KLHL32: variants seen among roughly 807,000 people sequenced by gnomAD.
KLHL32 encodes the protein kelch-like protein 32.
In KLHL32, 35 loss-of-function variants were observed where a neutral mutation model predicts 64.8. The ratio of observed to expected loss-of-function variants is 0.54; its 90% confidence interval spans 0.41 to 0.72. The LOEUF is 0.72. Ranked by LOEUF, KLHL32 falls within the 30% of genes least tolerant of loss-of-function variation. The pLI, the probability that KLHL32 is intolerant of heterozygous loss-of-function variation, is 0.00. For synonymous variants in KLHL32, 259 were observed against 281.0 expected, an observed-to-expected ratio of 0.92 and a Z score of 0.78; for missense variants, 589 against 768.5, an observed-to-expected ratio of 0.77 and a Z score of 2.76.
chr6:96,985,305 T>A (rs112698391), intron 3 of KLHL32, among the ~76,000 whole-genome samples: 1 of 152,200 alleles, frequency 6.6e-6, no homozygotes, highest in East Asian at 1.9e-4. Context: ...GCCCTTATCA[T>A]TTTTTCCTTC....
intron 3 of KLHL32, among the ~76,000 whole-genome samples, chr6:97,035,101 C>G (rs1165497445): frequency 6.6e-6 from 1 of 151,832 alleles, no homozygotes; most frequent in Non-Finnish European, 1.5e-5. Context: ...GTAGTATTTG[C>G]CTTGATTCTT....
chr6:96,979,478 T>G (rs576337620), intron 3 of KLHL32, among the ~76,000 whole-genome samples: 2 of 152,350 alleles, frequency 1.3e-5, no homozygotes, highest in African/African-American at 4.8e-5. Flanking sequence ...GGGCTCTCTA[T>G]TCTGTTCCAT....
the KLHL32 span, among the ~76,000 whole-genome samples, chr6:96,898,981 A>G: frequency 6.6e-6 from 1 of 152,204 alleles, no homozygotes; most frequent in Admixed American, 6.5e-5. Context: ...TGATGTAAAG[A>G]TAATCGAATA....
intron 7 of KLHL32, among the ~76,000 whole-genome samples, chr6:97,118,685 G>A (rs1356963998): frequency 6.6e-6 from 1 of 151,294 alleles, no homozygotes; most frequent in Non-Finnish European, 1.5e-5. Context: ...CAGAGGCTGA[G>A]TTGTGGTGCA....
intron 6 of KLHL32, among the ~76,000 whole-genome samples, chr6:97,087,915 T>C (rs1002193379): frequency 6.6e-6 from 1 of 152,206 alleles, no homozygotes. Flanking sequence ...CAAAATGTGT[T>C]GTATGCAGGC....
At chr6:97,113,676 G>C (rs1170409074) in intron 6 of KLHL32, 107 bp from the exon 7 acceptor site, 10 of 1,369,912 alleles carry the variant, frequency 7.3e-6, no homozygotes, top group Non-Finnish European at 8.9e-6. Flanking sequence ...AAGAAAGTTT[G>C]TATTATTACC....
At chr6:97,107,270 G>T (rs979144573) in intron 6 of KLHL32, among the ~76,000 whole-genome samples, 12 of 149,250 alleles carry the variant, frequency 8.0e-5, no homozygotes, top group African/African-American at 2.8e-4. Flanking sequence ...TCCGGCCTGG[G>T]CGAAAGGCAA....
At chr6:97,058,754 T>C (rs114932252) in intron 4 of KLHL32, among the ~76,000 whole-genome samples, 4,451 of 152,280 alleles carry the variant, frequency 0.029, 232 homozygotes, top group African/African-American at 0.1. Context: ...TAATGCCTGG[T>C]GGTATGGCAG....
rs143481473 is a variant in KLHL32 at position 97,005,703 on chromosome 6, T to G, written c.204+29526T>G. ...TGAATTGATTCTCATTAGTTTCAAATAATTTCTTGATTTATGCCTTAATTT... is the reference window on the plus strand; with the variant it reads ...TGAATTGATTCTCATTAGTTTCAAAGAATTTCTTGATTTATGCCTTAATTT... On this transcript the variant is annotated intron_variant, in intron 3 of 10. Transcript: ENST00000369261. Among the ~76,000 whole-genome samples the G allele has an allele frequency of 1.6e-3, 240 of 152,308 alleles. 1 individual carries two copies. Among genetic ancestry groups the G allele is most frequent in the Non-Finnish European group, 2.2e-3 (151 of 67,998 alleles).
intron 1 of KLHL32, among the ~76,000 whole-genome samples, chr6:96,958,242 C>A (rs778256553): frequency 6.6e-6 from 1 of 152,158 alleles, no homozygotes; most frequent in Non-Finnish European, 1.5e-5. Flanking sequence ...GGGCAGTAGA[C>A]CCCCCACCCC....
upstream of KLHL32, among the ~76,000 whole-genome samples, chr6:96,921,528 C>A (rs753941181): frequency 8.5e-5 from 13 of 152,130 alleles, no homozygotes; most frequent in African/African-American, 4.8e-5. Context: ...TTGGTTTTGG[C>A]ATAATTAATG....
chr6:97,057,149 A>T (rs2128143193), intron 4 of KLHL32, among the ~76,000 whole-genome samples: 1 of 149,262 alleles, frequency 6.7e-6, no homozygotes, highest in South Asian at 2.2e-4. Context: ...TGTACAAAAA[A>T]TGCAGTTTTC....
intron 3 of KLHL32, among the ~76,000 whole-genome samples, chr6:97,018,600 CAAA>C (rs11319122): frequency 4.1e-5 from 5 of 122,334 alleles, no homozygotes; most frequent in East Asian, 2.3e-4. Context: ...GACTCAGTCT[CAAA>C]AAAAAAAAAA....
chr6:97,029,930 G>A (rs1441743623), intron 3 of KLHL32, among the ~76,000 whole-genome samples: 2 of 152,204 alleles, frequency 1.3e-5, no homozygotes, highest in Non-Finnish European at 2.9e-5. Flanking sequence ...TGGGCATATA[G>A]AAGATGTAAG....
At chr6:96,915,141 A>T in the KLHL32 span, 3 of 152,292 alleles carry the variant, frequency 2.0e-5, no homozygotes, top group East Asian at 5.8e-4. Flanking sequence ...ATTTTGCCTC[A>T]ACTTTTTCTG....
chr6:96,975,120 T>G (rs559295071), intron 2 of KLHL32, among the ~76,000 whole-genome samples: 1 of 152,344 alleles, frequency 6.6e-6, no homozygotes, highest in East Asian at 1.9e-4. Flanking sequence ...ATGGCATTAC[T>G]TCTGTATTAT....
At chr6:97,059,833 G>A (rs1236012075) in intron 4 of KLHL32, among the ~76,000 whole-genome samples, 2 of 151,930 alleles carry the variant, frequency 1.3e-5, no homozygotes, top group Non-Finnish European at 2.9e-5. Context: ...TTATGCTGTT[G>A]TATCCAGTTC....
chr6:96,990,442 G>A (rs2128063209), intron 3 of KLHL32, among the ~76,000 whole-genome samples: 1 of 152,260 alleles, frequency 6.6e-6, no homozygotes, highest in South Asian at 2.1e-4. Flanking sequence ...CAACCACGTG[G>A]CTCCTCTGTA....
chr6:97,087,431 A>G (rs750322179), intron 6 of KLHL32, among the ~76,000 whole-genome samples: 55 of 152,298 alleles, frequency 3.6e-4, no homozygotes, highest in Non-Finnish European at 7.2e-4. Flanking sequence ...GTGAAACTTG[A>G]TGGACAGGCT....
Sources: allele counts gnomAD v4.1 joint callset (sites outside exome capture counted in the v4.1 genomes callset), GRCh38; gene constraint gnomAD v4.1.1; transcripts MANE v1.5; gene names NCBI Gene and HGNC (gene_info 2026-07-23, HGNC 2026-07-21).